The following MYO7B variants were observed in gnomAD, a reference collection of about 807,000 sequenced individuals.
MYO7B encodes unconventional myosin-VIIb.
In MYO7B, 212 loss-of-function variants were observed where a neutral mutation model predicts 259.7. That is an observed-to-expected ratio of 0.82 (90% CI 0.73 to 0.91). MYO7B has a LOEUF of 0.91. Ranked by LOEUF, MYO7B falls within the 40% of genes least tolerant of loss-of-function variation. The pLI, the probability that MYO7B is intolerant of heterozygous loss-of-function variation, is 0.00. For missense variants in MYO7B, 2,732 were observed against 2,813.5 expected (o/e 0.97, Z 0.66); for synonymous variants, 1,197 against 1,166.4 (o/e 1.03, Z -0.54).
intron 1 of MYO7B, among the ~76,000 whole-genome samples, chr2:127,540,153 G>A (rs1432065148): frequency 6.8e-6 from 1 of 146,258 alleles, no homozygotes; most frequent in Non-Finnish European, 1.5e-5. Context: ...ACGTGCAATT[G>A]TCTTTTTCTG....
chr2:127,595,921 G>A (rs962902191), intron 18 of MYO7B, among the ~76,000 whole-genome samples: 5 of 152,156 alleles, frequency 3.3e-5, no homozygotes, highest in East Asian at 3.8e-4. Flanking sequence ...ATGTGGTGCC[G>A]AGAAGAATGT....
intron 15 of MYO7B, among the ~76,000 whole-genome samples, chr2:127,589,249 G>T (rs1679444981): frequency 7.3e-6 from 1 of 137,478 alleles, no homozygotes; most frequent in South Asian, 2.6e-4. Context: ...GCAGGTGGCT[G>T]TGTGGGTGGG....
chr2:127,596,417 A>T, intron 18 of MYO7B, 45 bp from the exon 19 acceptor site: 1 of 1,459,948 alleles, frequency 6.8e-7, no homozygotes, highest in Non-Finnish European at 9.5e-7. Context: ...CAGGGGCTGT[A>T]GGGTGAGGGT....
At chr2:127,548,419 CTTT>C (rs796457298) in intron 1 of MYO7B, among the ~76,000 whole-genome samples, 4 of 136,610 alleles carry the variant, frequency 2.9e-5, no homozygotes, top group Admixed American at 7.3e-5. Flanking sequence ...TTAGATTTTT[CTTT>C]TTTTTTTTTT....
At position 127,581,999 on chromosome 2, in the gene MYO7B, G is replaced by T; in HGVS notation, c.1189G>T (p.Ala397Ser). ...NIAQAADRRD[A>S]FVKGIYGHLF... ...TGCCCAGGCTGCTGACCGGAGGGAC[G>T]CCTTTGTCAAGGTACAGAGCTGAGA... The change falls in exon 11 of 48, where the codon GCC becomes TCC. Residue 397 changes from alanine (A) to serine (S), a missense_variant. Physicochemically the swap from Ala to Ser is moderately conservative, Grantham distance 99. This residue lies in a region of MYO7B where 1,906 missense variants were observed against 2,026.4 expected (regional missense o/e 0.94). Transcript: ENST00000409816. 2 of 1,613,806 alleles carry T rather than the reference G, an allele frequency of 1.2e-6. No homozygotes were observed. Among genetic ancestry groups the T allele is most frequent in the South Asian group, 1.1e-5 (1 of 91,082 alleles).
intron 1 of MYO7B, among the ~76,000 whole-genome samples, chr2:127,547,450 T>G (rs997744906): frequency 6.6e-6 from 1 of 152,128 alleles, no homozygotes; most frequent in Non-Finnish European, 1.5e-5. Flanking sequence ...ACAGACACAC[T>G]GAGGTAAAAG....
At chr2:127,562,080 T>C (rs1240050189) in intron 2 of MYO7B, among the ~76,000 whole-genome samples, 2 of 152,142 alleles carry the variant, frequency 1.3e-5, no homozygotes, top group Admixed American at 6.5e-5. Context: ...TCCTTTTTTA[T>C]AGACACCAGT....
intron 1 of MYO7B, among the ~76,000 whole-genome samples, chr2:127,536,466 G>T (rs1007041654): frequency 1.1e-4 from 10 of 90,288 alleles, no homozygotes; most frequent in Non-Finnish European, 2.0e-4. Flanking sequence ...CTGGGGTGTG[G>T]TGGGGGGGGG....
rs1457760920 is a variant in MYO7B, at chr2:127,627,455, C to T, written c.4460+145C>T. 4 of 1,137,254 alleles carry T rather than the reference C, an allele frequency of 3.5e-6. No homozygotes were observed. The highest frequency in any genetic ancestry group is 3.8e-6 in the Non-Finnish European group (3 of 787,740). The allele number at this position is 1,137,254 out of a possible 1,614,324, so 70.4% of individuals were successfully genotyped here. On this transcript the variant is annotated intron_variant, in intron 33 of 47. Transcript: ENST00000409816. This position sits in a 1 kb window ranked among gnomAD's most constrained non-coding sequence, Gnocchi z 5.6. The stretch of plus-strand genomic sequence containing the variant: ...GGACAAGAATCTACGTATGCGATGG[C>T]TTCTGTACTTCGGAGCCCCACCCTC...
rs1407392182 is a variant in MYO7B, at chr2:127,629,642, C to A, written c.4625-3C>A. The A allele has an allele frequency of 6.2e-7, 1 of 1,611,424 alleles. No individual in the cohort carries two copies. The highest frequency in any genetic ancestry group is 1.1e-5 in the South Asian group (1 of 90,754). On this transcript the variant is annotated splice_polypyrimidine_tract_variant and splice_region_variant and intron_variant, in intron 34 of 47. Coordinates refer to ENST00000409816, the MANE Select transcript of MYO7B (RefSeq NM_001393586.1). ...TCAGCAAATAGCCTCCCTGCCCTTA[C>A]AGATGACACCACCCTCCTGGCCTTC...
At chr2:127,547,152 C>T (rs536740695) in intron 1 of MYO7B, among the ~76,000 whole-genome samples, 1 of 152,248 alleles carries the variant, frequency 6.6e-6, no homozygotes, top group Admixed American at 6.5e-5. Context: ...TTCCACCTAC[C>T]GACTCATCCA....
chr2:127,633,349 A>G lies in MYO7B; in HGVS notation c.5497A>G (p.Asn1833Asp). 6.2e-7 allele frequency: 1 copy of G among 1,612,916 alleles called. No homozygotes were observed. The highest frequency in any genetic ancestry group is 8.5e-7 in the Non-Finnish European group (1 of 1,179,728). The change falls in exon 40 of 48, where the codon AAT becomes GAT. Residue 1833 changes from asparagine to aspartate, a missense_variant. By Grantham distance (23) the Asn-to-Asp change is conservative. This residue lies in a region of MYO7B where 821 missense variants were observed against 769.3 expected (regional missense o/e 1.07). Transcript: ENST00000409816. The stretch of plus-strand genomic sequence containing the variant: ...CATCTGCCACAAGATCTACTTCCCC[A>G]ATGACACCAGTGAGGTGAGGCCCTG... ...SRICHKIYFP[N>D]DTSEMLEVVA...
Position 127,630,855 on chromosome 2 carries a change from G to A in MYO7B, c.4884G>A (p.Glu1628=). 6.2e-7 allele frequency: 1 copy of A among 1,611,650 alleles called. No homozygotes were observed. Among genetic ancestry groups the A allele is most frequent in the East Asian group, 2.2e-5 (1 of 44,828 alleles). ...EGQFTEPRPE[E]PPKEKLHTLE... is the part of the protein sequence containing the mutation. Reference sequence around the variant, plus strand: ...AGTTCACAGAGCCACGTCCTGAGGAGCCACCCAAGGAAAAGCTGCACACCC... The same window carrying A: ...AGTTCACAGAGCCACGTCCTGAGGAACCACCCAAGGAAAAGCTGCACACCC... The change falls in exon 36 of 48, where the codon GAG becomes GAA. Residue 1628 remains glutamate, a synonymous_variant. Transcript: ENST00000409816.
intron 1 of MYO7B, among the ~76,000 whole-genome samples, chr2:127,551,843 G>C (rs1693456084): frequency 6.6e-6 from 1 of 152,210 alleles, no homozygotes; most frequent in Non-Finnish European, 1.5e-5. Flanking sequence ...TGGTGGAAAG[G>C]AGCTTTGAAA....
Position 127,627,757 on chromosome 2 carries a change from C to T in MYO7B, c.4460+447C>T. ...CTTAGGCTGGGGCTGACCCCCACTC[C>T]CATGGGTCTCCATGGATCTCATTGA... On this transcript the variant is annotated intron_variant, in intron 33 of 47. Transcript: ENST00000409816. The surrounding 1 kb of genome is among the most constrained non-coding windows in gnomAD (Gnocchi z 5.6). 1 of 458,378 alleles carries T rather than the reference C, an allele frequency of 2.2e-6. No homozygotes were observed. The highest frequency in any genetic ancestry group is 4.4e-6 in the Non-Finnish European group (1 of 228,380). 28.4% of individuals were successfully genotyped at this position (458,378 alleles called of 1,614,324 possible).
chr2:127,592,865 G>A lies in MYO7B; in HGVS notation c.2064G>A (p.Lys688=). ...SGMMETVHIR[K]SGFPIRYTFE... ...TGATGGAGACCGTGCACATCCGCAA[G>A]TCGGGCTTCCCCATCCGCTACACGT... Residue 688 remains lysine (K), a synonymous_variant, in exon 17 of 48, where the codon AAG becomes AAA. Transcript: ENST00000409816. 1.2e-6 allele frequency: 2 copies of A among 1,610,424 alleles called. No individual in the cohort carries two copies. The highest frequency in any genetic ancestry group is 3.3e-5 in the Admixed American group (2 of 59,806).
In MYO7B at chr2:127,577,677, C is replaced by T. The variant is rs1182725233; in HGVS notation, c.850-456C>T. Among the ~76,000 whole-genome samples the T allele has an allele frequency of 6.6e-6, 1 of 152,212 alleles. No individual in the cohort carries two copies. The highest frequency in any genetic ancestry group is 1.5e-5 in the Non-Finnish European group (1 of 68,038). ...CCTCCTCCAAGAAGCCTTTCTCCACCTCTCGATAGGGCTGGCCCCGGCCCC... is the reference window on the plus strand; with the variant it reads ...CCTCCTCCAAGAAGCCTTTCTCCACTTCTCGATAGGGCTGGCCCCGGCCCC... On this transcript the variant is annotated intron_variant, in intron 8 of 47. Coordinates refer to ENST00000409816, the MANE Select transcript of MYO7B (RefSeq NM_001393586.1). The surrounding 1 kb of genome is among the most constrained non-coding windows in gnomAD (Gnocchi z 5.2).
rs769646782 is a variant in MYO7B, at chr2:127,637,421, C to T, written c.*4C>T. 15 of 1,505,980 alleles carry T rather than the reference C, an allele frequency of 1.0e-5. No individual in the cohort carries two copies. The highest frequency in any genetic ancestry group is 4.2e-5 in the African/African-American group (3 of 71,686). 93.3% of individuals were successfully genotyped at this position (1,505,980 alleles called of 1,614,324 possible). On this transcript the variant is annotated 3_prime_UTR_variant, in exon 48 of 48. Coordinates refer to ENST00000409816, the MANE Select transcript of MYO7B (RefSeq NM_001393586.1). ...CCCAGCCCTGGCCAGCACCTAGCAG[C>T]GGATGCTGGCGTGTCTGCTCAGGCG...
intron 11 of MYO7B, 132 bp from the exon 12 acceptor site, chr2:127,582,171 CT>C (rs1412922449): frequency 1.4e-5 from 21 of 1,463,790 alleles, no homozygotes; most frequent in Non-Finnish European, 1.7e-5. Flanking sequence ...CTCTTGGGCC[CT>C]GGTTTCTTGC....
Sources: gnomAD v4.1 joint callset for allele counts (sites outside exome capture counted in the v4.1 genomes callset) on GRCh38, gnomAD v4.1.1 for gene constraint, gnomAD v4.1.1 regional missense constraint, Gnocchi (gnomAD v3.1) non-coding constraint, MANE v1.5 for transcripts, NCBI Gene and HGNC (gene_info 2026-07-23, HGNC 2026-07-21) for gene names.